The following ADGRV1 variants were observed in gnomAD, a reference collection of about 807,000 sequenced individuals.
ADGRV1 encodes adhesion G protein-coupled receptor V1.
A neutral mutation model predicts 596.2 loss-of-function variants in ADGRV1; 359 were observed. The ratio of observed to expected loss-of-function variants is 0.60; its 90% CI spans 0.55 to 0.66. The LOEUF is 0.66. Among genes scored for constraint, ADGRV1 ranks in the 30% least tolerant of loss-of-function variants. ADGRV1 has a pLI of 0.00. For missense variants in ADGRV1, 7,274 were observed against 7,575.6 expected (o/e 0.96, Z 1.48); for synonymous variants, 2,681 against 2,679.2 (o/e 1.00, Z -0.02).
chr5:91,044,605 G>A (rs763366593), intron 85 of ADGRV1, among the ~76,000 whole-genome samples: 1 of 152,126 alleles, frequency 6.6e-6, no homozygotes, highest in Non-Finnish European at 1.5e-5. Context: ...AGTAAAAATG[G>A]AGAATGTCAG....
At chr5:90,792,078 A>C (rs1349563510) in intron 70 of ADGRV1, 1 of 152,188 alleles carries the variant, frequency 6.6e-6, no homozygotes, top group Non-Finnish European at 1.5e-5. Flanking sequence ...TAATTATCTC[A>C]TGGGCAAGAA....
At chr5:90,892,800 G>A (rs914902390) in intron 83 of ADGRV1, among the ~76,000 whole-genome samples, 2 of 152,112 alleles carry the variant, frequency 1.3e-5, no homozygotes, top group Non-Finnish European at 2.9e-5. Flanking sequence ...GTTTGTAATA[G>A]AGTGATATAC....
chr5:91,156,176 A>C (rs1796462072), intron 89 of ADGRV1, among the ~76,000 whole-genome samples: 1 of 152,222 alleles, frequency 6.6e-6, no homozygotes, highest in Admixed American at 6.5e-5. Context: ...GAAATGCATC[A>C]GCACAGAGAT....
chr5:90,655,778 T>C (rs1488899614), intron 20 of ADGRV1: 2 of 152,292 alleles, frequency 1.3e-5, no homozygotes, highest in Middle Eastern at 6.8e-3. Flanking sequence ...AATAATGCTG[T>C]GTTCAATATA....
chr5:90,558,991 T>C (rs1185320900), intron 1 of ADGRV1, 74 bp downstream of exon 1: 2 of 1,349,446 alleles, frequency 1.5e-6, no homozygotes, highest in Non-Finnish European at 1.0e-6. Flanking sequence ...CAGCACCTGT[T>C]GCTGCAGGTG....
intron 85 of ADGRV1, among the ~76,000 whole-genome samples, chr5:91,042,651 G>A (rs1379080571): frequency 8.6e-5 from 13 of 152,020 alleles, no homozygotes. Flanking sequence ...TTAACCATCA[G>A]GATAATTTAA....
At chr5:90,712,222 A>C (rs992041304) in intron 41 of ADGRV1, 65 bp from the exon 42 acceptor site, 1 of 908,116 alleles carries the variant, frequency 1.1e-6, no homozygotes, top group African/African-American at 1.7e-5. Flanking sequence ...TTTCTTTCCA[A>C]ACATTCTATA....
At chr5:90,981,564 G>A (rs967532988) in intron 84 of ADGRV1, among the ~76,000 whole-genome samples, 3 of 152,056 alleles carry the variant, frequency 2.0e-5, no homozygotes, top group Non-Finnish European at 4.4e-5. Context: ...AGATGTTCCC[G>A]CTCTGCATGT....
chr5:91,061,470 C>A (rs1787424467), intron 85 of ADGRV1, among the ~76,000 whole-genome samples: 1 of 152,124 alleles, frequency 6.6e-6, no homozygotes, highest in Admixed American at 6.6e-5. Flanking sequence ...CTTAATGAGC[C>A]AGGGATGTGG....
chr5:91,106,899 A>T (rs1262427833), intron 87 of ADGRV1, among the ~76,000 whole-genome samples: 1 of 152,218 alleles, frequency 6.6e-6, no homozygotes, highest in Non-Finnish European at 1.5e-5. Context: ...GAGAACCTGG[A>T]TAGGGTTTGC....
chr5:90,685,639 T>TAAAA (rs1554082196), intron 28 of ADGRV1, 141 bp from the exon 29 acceptor site: 16 of 259,218 alleles, frequency 6.2e-5, no homozygotes, highest in African/African-American at 1.7e-4. Context: ...AATAAATAAA[T>TAAAA]AAAATAAATA....
chr5:90,595,799 C>T (rs1296973069), intron 1 of ADGRV1, among the ~76,000 whole-genome samples: 1 of 143,254 alleles, frequency 7.0e-6, no homozygotes, highest in South Asian at 2.3e-4. Flanking sequence ...CTGACCCCCC[C>T]ACCTCCCTCC....
chr5:90,963,813 A>G (rs767490160), intron 83 of ADGRV1, among the ~76,000 whole-genome samples: 1 of 150,932 alleles, frequency 6.6e-6, no homozygotes, highest in African/African-American at 2.4e-5. Flanking sequence ...CAGGCACAGG[A>G]AGGTACTTAA....
intron 83 of ADGRV1, among the ~76,000 whole-genome samples, chr5:90,876,656 A>G (rs904212387): frequency 7.9e-5 from 12 of 152,208 alleles, no homozygotes; most frequent in African/African-American, 2.9e-4. Context: ...TTAATTATTG[A>G]AGACTTTTGT....
At position 90,705,448 on chromosome 5, in the gene ADGRV1, C is replaced by A; in HGVS notation, c.8435C>A (p.Ala2812Asp). The change falls in exon 37 of 90, where the codon GCT (alanine) becomes GAT (aspartate). Residue 2812 changes from alanine to aspartate, a missense_variant. By Grantham distance (126) the Ala-to-Asp change is moderately radical. Transcript: ENST00000405460. ...IALLDAQGYA[A>D]VLTVEASDEP... The stretch of plus-strand genomic sequence containing the variant: ...CTGCTTGATGCTCAAGGATATGCAG[C>A]TGTCCTCACAGTAGAAGCCAGTGAT... The A allele has an allele frequency of 6.2e-7, 1 of 1,613,956 alleles. No individual in the cohort carries two copies. The highest frequency in any genetic ancestry group is 8.5e-7 in the Non-Finnish European group (1 of 1,179,844).
chr5:90,778,024 C>T lies in ADGRV1; in HGVS notation c.12647C>T (p.Ala4216Val). The T allele has an allele frequency of 1.3e-6, 2 of 1,575,838 alleles. No individual in the cohort carries two copies. Among genetic ancestry groups the T allele is most frequent in the Non-Finnish European group, 1.7e-6 (2 of 1,158,938 alleles). ...CTGACAATGCGAGACGAACAGTCTG[C>T]AGTCATTGTAGTAATACAGGTATCA... ...GKLTMRDEQS[A>V]VIVVIQALND... Residue 4216 changes from alanine to valine, a missense_variant, in exon 62 of 90, where the codon GCA (alanine) becomes GTA (valine). By Grantham distance (64) the Ala-to-Val change is moderately conservative (BLOSUM62 0). This residue lies in a region of ADGRV1 where 3,643 missense variants were observed against 3,809.2 expected (regional missense o/e 0.96). Coordinates refer to ENST00000405460, the MANE Select transcript of ADGRV1 (RefSeq NM_032119.4).
At chr5:90,848,060 CT>C (rs1385668471) in intron 78 of ADGRV1, among the ~76,000 whole-genome samples, 3 of 151,858 alleles carry the variant, frequency 2.0e-5, no homozygotes, top group African/African-American at 4.8e-5. Flanking sequence ...CTTTTTTCCC[CT>C]GTCTCTCAAA....
At chr5:91,071,734 G>A (rs1410682600) in intron 85 of ADGRV1, among the ~76,000 whole-genome samples, 2 of 151,892 alleles carry the variant, frequency 1.3e-5, no homozygotes, top group African/African-American at 4.8e-5. Flanking sequence ...GAGTGCAGTG[G>A]CATGATCTTG....
chr5:91,163,740 C>T (rs540641077), intron 89 of ADGRV1, 42 bp from the exon 90 acceptor site: 2 of 804,066 alleles, frequency 2.5e-6, no homozygotes, highest in Non-Finnish European at 4.1e-6. Flanking sequence ...ATTCACTGCA[C>T]TAATAGTTTG....
Sources: allele counts gnomAD v4.1 joint callset (sites outside exome capture counted in the v4.1 genomes callset), GRCh38; gene constraint gnomAD v4.1.1; regional missense constraint gnomAD v4.1.1; transcripts MANE v1.5; gene names NCBI Gene and HGNC (gene_info 2026-07-23, HGNC 2026-07-21).